Variants in BACH2 observed in about 807,000 individuals in gnomAD.
BACH2 encodes BACH transcriptional regulator 2.
Under a neutral mutation model 61.8 loss-of-function variants are expected in BACH2, and 5 were observed. The observed-to-expected ratio is 0.08, with a 90% CI of 0.04 to 0.17. The LOEUF is 0.17. Among genes scored for constraint, BACH2 ranks in the 10% least tolerant of loss-of-function variants. The probability of loss-of-function intolerance (pLI) is 1.00; values close to 1 mark genes in which losing one functional copy is unlikely to be tolerated. For missense variants in BACH2, 824 were observed against 1,091.1 expected, an observed-to-expected ratio of 0.76 and a Z score of 3.45; for synonymous variants, 446 against 440.1, an observed-to-expected ratio of 1.01 and a Z score of -0.17.
At chr6:90,015,782 T>C (rs1291971621) in intron 5 of BACH2, among the ~76,000 whole-genome samples, 1 of 152,188 alleles carries the variant, frequency 6.6e-6, no homozygotes, top group Non-Finnish European at 1.5e-5. Context: ...GGTTAAGTTG[T>C]ATGATGAGTG....
intron 1 of BACH2, among the ~76,000 whole-genome samples, chr6:90,275,549 T>C (rs562244028): frequency 6.6e-6 from 1 of 152,196 alleles, no homozygotes; most frequent in Non-Finnish European, 1.5e-5. Context: ...ATTTGTGATA[T>C]GGGTAACTTG....
At chr6:90,092,311 T>C (rs1348064994) in intron 4 of BACH2, among the ~76,000 whole-genome samples, 5 of 126,646 alleles carry the variant, frequency 3.9e-5, no homozygotes, top group African/African-American at 1.9e-4. Context: ...TATATATATA[T>C]ATATACACAC....
chr6:90,032,050 C>T (rs555738843), intron 5 of BACH2, among the ~76,000 whole-genome samples: 42 of 152,078 alleles, frequency 2.8e-4, no homozygotes, highest in African/African-American at 8.4e-4. Flanking sequence ...GAAATAATGC[C>T]GCATATCTAC....
intron 5 of BACH2, among the ~76,000 whole-genome samples, chr6:90,017,224 C>T (rs190043733): frequency 3.3e-4 from 50 of 151,906 alleles, no homozygotes; most frequent in African/African-American, 1.1e-3. Context: ...AAATCTCTTA[C>T]ATTTTACATT....
At chr6:90,060,140 AAAC>A (rs934316098) in intron 5 of BACH2, among the ~76,000 whole-genome samples, 2 of 149,864 alleles carry the variant, frequency 1.3e-5, no homozygotes, top group African/African-American at 5.1e-5. Flanking sequence ...GTAAAAAAAA[AAAC>A]AAAGAAAACA....
At chr6:90,207,990 T>C (rs912829587) in intron 3 of BACH2, among the ~76,000 whole-genome samples, 3 of 152,144 alleles carry the variant, frequency 2.0e-5, no homozygotes, top group Middle Eastern at 3.2e-3. Context: ...ATAAATCAGA[T>C]GATAGAGAGA....
intron 3 of BACH2, among the ~76,000 whole-genome samples, chr6:90,217,387 G>C (rs925082618): frequency 6.2e-4 from 95 of 152,010 alleles, no homozygotes; most frequent in African/African-American, 2.1e-3. Context: ...AAAATATGAG[G>C]AACAATGTTG....
At position 89,973,300 on chromosome 6, in the gene BACH2, G is replaced by A. The variant is rs115936229; in HGVS notation, c.244-21438C>T. ...AGGTGATTGGAAAATAGATGAGCTA[G>A]TATAATGTGAGATGATGCTGCATAC... On this transcript the variant is annotated intron_variant, in intron 6 of 8. Transcript: ENST00000257749. 6.1e-3 allele frequency among the ~76,000 whole-genome samples: 925 copies of A among 152,172 alleles called. 6 individuals carry two copies. The highest frequency in any genetic ancestry group is 0.02 in the African/African-American group (836 of 41,548).
At chr6:90,184,577 C>CG (rs1259004548) in intron 4 of BACH2, among the ~76,000 whole-genome samples, 1 of 152,254 alleles carries the variant, frequency 6.6e-6, no homozygotes, top group African/African-American at 2.4e-5. Flanking sequence ...AGCAGGCTCC[C>CG]GGGGGAAGTG....
At chr6:90,226,476 G>A (rs1769919553) in intron 3 of BACH2, among the ~76,000 whole-genome samples, 1 of 152,102 alleles carries the variant, frequency 6.6e-6, no homozygotes, top group African/African-American at 2.4e-5. Flanking sequence ...CAAGCTGCCA[G>A]TATGACTCAC....
In BACH2 at chr6:89,976,937, G is replaced by C. The variant is rs532611263; in HGVS notation, c.244-25075C>G. On this transcript the variant is annotated intron_variant, in intron 6 of 8. Coordinates refer to ENST00000257749, the MANE Select transcript of BACH2 (RefSeq NM_021813.4). ...CTACTACTTCACCAGAAAAAGGTCT[G>C]CTCGCTATTTACAAATTCACTTTTC... 3.3e-5 allele frequency among the ~76,000 whole-genome samples: 5 copies of C among 152,314 alleles called. No homozygotes were observed. In the East Asian group the frequency reaches 9.6e-4, roughly 29 times the overall value.
chr6:90,253,895 A>ATT (rs148639908), intron 2 of BACH2, among the ~76,000 whole-genome samples: 1 of 151,828 alleles, frequency 6.6e-6, no homozygotes, highest in Non-Finnish European at 1.5e-5. Context: ...TTGCCGAACT[A>ATT]TTTTTTTTAA....
chr6:90,077,097 C>T (rs1215482866), intron 5 of BACH2, among the ~76,000 whole-genome samples: 3 of 152,148 alleles, frequency 2.0e-5, no homozygotes, highest in South Asian at 4.1e-4. Context: ...TCAAACTGCA[C>T]ATGAAGGATA....
At chr6:90,149,631 A>G (rs1003357666) in intron 4 of BACH2, among the ~76,000 whole-genome samples, 1 of 152,238 alleles carries the variant, frequency 6.6e-6, no homozygotes, top group Non-Finnish European at 1.5e-5. Context: ...TGGAACTGGA[A>G]AGGCCAGCTC....
At chr6:90,222,858 G>T (rs1056279168) in intron 3 of BACH2, among the ~76,000 whole-genome samples, 2 of 151,706 alleles carry the variant, frequency 1.3e-5, no homozygotes, top group South Asian at 4.2e-4. Context: ...GTCATCCTTA[G>T]TCACCTGCAC....
chr6:89,985,119 G>C (rs939078510), intron 6 of BACH2, among the ~76,000 whole-genome samples: 1 of 152,172 alleles, frequency 6.6e-6, no homozygotes, highest in Non-Finnish European at 1.5e-5. Context: ...GTACTAACAG[G>C]TAGCAAAGTG....
At chr6:90,243,364 T>C (rs186470112) in intron 3 of BACH2, among the ~76,000 whole-genome samples, 1 of 152,340 alleles carries the variant, frequency 6.6e-6, no homozygotes, top group East Asian at 1.9e-4. Flanking sequence ...TGTTTTAGTA[T>C]CATTTTCAAT....
chr6:90,033,105 G>T (rs1779085953), intron 5 of BACH2, among the ~76,000 whole-genome samples: 1 of 126,618 alleles, frequency 7.9e-6, no homozygotes, highest in Admixed American at 7.3e-5. Context: ...ACTATCGCAA[G>T]GACAAAAAAC....
chr6:90,173,891 TAA>T (rs1249232326), intron 4 of BACH2, among the ~76,000 whole-genome samples: 1 of 152,144 alleles, frequency 6.6e-6, no homozygotes, highest in Non-Finnish European at 1.5e-5. Context: ...AGCACAAATC[TAA>T]AGCCTTTTGT....
Sources: allele counts gnomAD v4.1 joint callset (sites outside exome capture counted in the v4.1 genomes callset), GRCh38; gene constraint gnomAD v4.1.1; transcripts MANE v1.5; gene names NCBI Gene and HGNC (gene_info 2026-07-23, HGNC 2026-07-21).